The following FXR2 variants were observed in gnomAD, a reference collection of about 807,000 sequenced individuals.
FXR2 encodes the protein FMR1 autosomal homolog 2.
FXR2 carries 9 observed loss-of-function variants against 87.3 expected under a neutral mutation model. The ratio of observed to expected loss-of-function variants is 0.10; its 90% CI spans 0.06 to 0.18. The LOEUF (loss-of-function observed/expected upper bound fraction) is 0.18. Among genes scored for constraint, FXR2 ranks in the 10% least tolerant of loss-of-function variants. The pLI is 1.00. For synonymous variants in FXR2, 331 were observed against 328.3 expected (o/e 1.01, Z -0.09); for missense variants, 661 against 893.6 (o/e 0.74, Z 3.32).
intron 7 of FXR2, among the ~76,000 whole-genome samples, chr17:7,600,831 C>T (rs1362067195): frequency 1.3e-5 from 2 of 151,844 alleles, no homozygotes; most frequent in African/African-American, 4.8e-5. Flanking sequence ...TTGCAGTCAG[C>T]TGAGACTATA....
At chr17:7,600,155 T>G (rs2071742254) in intron 7 of FXR2, among the ~76,000 whole-genome samples, 1 of 151,990 alleles carries the variant, frequency 6.6e-6, no homozygotes, top group Non-Finnish European at 1.5e-5. Context: ...CGCCTCAGCC[T>G]CCCAAAGTGC....
At chr17:7,606,220 A>G (rs2071801808) in intron 1 of FXR2, 71 bp from the exon 2 acceptor site, 3 of 966,070 alleles carry the variant, frequency 3.1e-6, no homozygotes, top group Non-Finnish European at 3.2e-6. Context: ...CATCAAGGGA[A>G]TAAGACACCA....
At position 7,594,284 on chromosome 17, in the gene FXR2, C is replaced by T; in HGVS notation, c.974G>A (p.Arg325Lys). 1.2e-6 allele frequency: 2 copies of T among 1,613,356 alleles called. No homozygotes were observed. Among genetic ancestry groups the T allele is most frequent in the Non-Finnish European group, 1.7e-6 (2 of 1,179,316 alleles). ...QEIVDKSGVVRVRVEGDNDKK... is the reference protein window; with the variant it reads ...QEIVDKSGVVKVRVEGDNDKK... ...GTCATTATCACCTTCCACTCGAACC[C>T]TCACCACACCAGATTTATCCACAAT... is the stretch of plus-strand genomic sequence containing the variant. Residue 325 changes from arginine to lysine, a missense_variant, in exon 10 of 17, where the codon AGG becomes AAG. By Grantham distance (26) the Arg-to-Lys change is conservative. Transcript: ENST00000250113. The surrounding 1 kb of genome is among the most constrained non-coding windows in gnomAD (Gnocchi z 5.1).
At chr17:7,600,189 G>A (rs2071742676) in intron 7 of FXR2, among the ~76,000 whole-genome samples, 2 of 151,260 alleles carry the variant, frequency 1.3e-5, no homozygotes, top group Non-Finnish European at 2.9e-5. Flanking sequence ...GTGGGCCACC[G>A]CGCCCAGTCA....
At chr17:7,600,145 C>T (rs1333249090) in intron 7 of FXR2, among the ~76,000 whole-genome samples, 5 of 151,896 alleles carry the variant, frequency 3.3e-5, no homozygotes, top group South Asian at 4.2e-4. Flanking sequence ...GTGATCTGCC[C>T]GCCTCAGCCT....
chr17:7,600,870 T>G (rs1349353899), intron 7 of FXR2, among the ~76,000 whole-genome samples: 1 of 150,708 alleles, frequency 6.6e-6, no homozygotes, highest in Admixed American at 6.6e-5. Flanking sequence ...GGTGACAAAG[T>G]GAGACTCCGT....
In FXR2 at chr17:7,595,147, T is replaced by TAA. The variant is rs915945688; in HGVS notation, c.832-392_832-391dup. 1.4e-5 allele frequency among the ~76,000 whole-genome samples: 2 copies of TAA among 144,724 alleles called. No individual in the cohort carries two copies. Among genetic ancestry groups the TAA allele is most frequent in the African/African-American group, 2.5e-5 (1 of 39,380 alleles). 94.9% of individuals were successfully genotyped at this position (144,724 alleles called of 152,430 possible). ...AAAAAAATTAAACAAATAAATAACT[T>TAA]AAAAAAAAAAACAGAGGACCTTGGC... On this transcript the variant is annotated intron_variant, in intron 8 of 16. Transcript: ENST00000250113. This position sits in a 1 kb window ranked among gnomAD's most constrained non-coding sequence, Gnocchi z 4.7.
At chr17:7,601,242 G>C (rs1020024622) in intron 7 of FXR2, among the ~76,000 whole-genome samples, 167 bp downstream of exon 7, 2 of 151,106 alleles carry the variant, frequency 1.3e-5, no homozygotes, top group Non-Finnish European at 2.9e-5. Context: ...TACCATGATA[G>C]AGCTCTGCCA....
rs528784931 is a variant in FXR2 at position 7,603,018 on chromosome 17, G to A, written c.450-16C>T. The A allele has an allele frequency of 7.4e-6, 10 of 1,342,996 alleles. No homozygotes were observed. In the South Asian group the frequency reaches 8.5e-5, roughly 11 times the overall value. The allele number at this position is 1,342,996 out of a possible 1,614,324, so 83.2% of individuals were successfully genotyped here. On this transcript the variant is annotated splice_polypyrimidine_tract_variant and intron_variant, in intron 5 of 16. Transcript: ENST00000250113. Reference sequence around the variant, plus strand: ...ATTGGAGCAGCTGCAGAGGAAAAAAGTACTCAGCGGGCAGAATGCAGAGAG... The same window carrying A: ...ATTGGAGCAGCTGCAGAGGAAAAAAATACTCAGCGGGCAGAATGCAGAGAG...
intron 3 of FXR2, among the ~76,000 whole-genome samples, chr17:7,605,393 A>C (rs8076008): frequency 0.013 from 1,952 of 152,138 alleles, 41 homozygotes; most frequent in African/African-American, 0.042. Flanking sequence ...ACAACAACAA[A>C]AAAATCAGAG....
chr17:7,612,735 G>A (rs1268888394), intron 1 of FXR2, among the ~76,000 whole-genome samples: 1 of 152,018 alleles, frequency 6.6e-6, no homozygotes, highest in Non-Finnish European at 1.5e-5. Flanking sequence ...GGTGGCTCAC[G>A]CCTGTAATCC....
intron 3 of FXR2, among the ~76,000 whole-genome samples, chr17:7,604,522 C>A (rs1174915915): frequency 6.6e-6 from 1 of 151,320 alleles, no homozygotes; most frequent in Non-Finnish European, 1.5e-5. Flanking sequence ...TAAAACCCCA[C>A]CTCTACTAAA....
chr17:7,606,243 C>A, intron 1 of FXR2, 94 bp from the exon 2 acceptor site: 1 of 815,458 alleles, frequency 1.2e-6, no homozygotes, highest in Non-Finnish European at 2.0e-6. Context: ...AAACCTTAAA[C>A]TTGAGTTTTA....
rs556193161 is a variant in FXR2 at position 7,592,446 on chromosome 17, G to A, written c.1825+58C>T. 38 of 1,563,640 alleles carry A rather than the reference G, an allele frequency of 2.4e-5. No homozygotes were observed. The South Asian group carries it at 4.0e-4, about 16-fold the overall frequency. On this transcript the variant is annotated intron_variant, in intron 15 of 16. Coordinates refer to ENST00000250113, the MANE Select transcript of FXR2 (RefSeq NM_004860.4). The surrounding 1 kb of genome is among the most constrained non-coding windows in gnomAD (Gnocchi z 4.8). Reference sequence around the variant, plus strand: ...ACCCGAACCCCTGATTTTCACAGGGGTGAGCATCCCATTCTCTCAGCTCTG... The same window carrying A: ...ACCCGAACCCCTGATTTTCACAGGGATGAGCATCCCATTCTCTCAGCTCTG...
intron 1 of FXR2, among the ~76,000 whole-genome samples, chr17:7,610,269 T>C (rs2071852773): frequency 6.6e-6 from 1 of 151,984 alleles, no homozygotes; most frequent in African/African-American, 2.4e-5. Context: ...AAGTAGTTTA[T>C]CAAGGCAGGA....
At chr17:7,611,969 C>G (rs1051775701) in intron 1 of FXR2, among the ~76,000 whole-genome samples, 6 of 152,184 alleles carry the variant, frequency 3.9e-5, no homozygotes, top group African/African-American at 1.4e-4. Flanking sequence ...TGGCTTTCAG[C>G]TCAACCCCAA....
rs777733143 is a variant in FXR2 at position 7,602,877 on chromosome 17, G to A, written c.543+32C>T. The A allele has an allele frequency of 1.3e-5, 13 of 1,001,406 alleles. No homozygotes were observed. In the Admixed American group the frequency reaches 2.5e-4, roughly 19 times the overall value. 62.0% of individuals were successfully genotyped at this position (1,001,406 alleles called of 1,614,324 possible). ...GGGAAAAAGAAAAAATGTTCAAAAG[G>A]CTTATGTGAAATTCAGGCAGAATAA... is the stretch of plus-strand genomic sequence containing the variant. On this transcript the variant is annotated intron_variant, in intron 6 of 16. Transcript: ENST00000250113.
chr17:7,595,712 T>C lies in FXR2; in HGVS notation c.831+112A>G. 1 of 771,540 alleles carries C rather than the reference T, an allele frequency of 1.3e-6. No individual in the cohort carries two copies. Among genetic ancestry groups the C allele is most frequent in the South Asian group, 1.8e-5 (1 of 55,880 alleles). 47.8% of individuals were successfully genotyped at this position (771,540 alleles called of 1,614,324 possible). On this transcript the variant is annotated intron_variant, in intron 8 of 16. Transcript: ENST00000250113. This position sits in a 1 kb window ranked among gnomAD's most constrained non-coding sequence, Gnocchi z 4.7. ...ATCCTCTCACTTTGACCTCCGAAGG[T>C]GCTGGGATTACAGGTGTGAGCCACT...
intron 3 of FXR2, 66 bp downstream of exon 3, chr17:7,605,579 A>G: frequency 3.6e-6 from 3 of 843,518 alleles, no homozygotes; most frequent in Non-Finnish European, 6.0e-6. Flanking sequence ...ACATGAACCA[A>G]CCAGAGAAAA....
Sources: gnomAD v4.1 joint callset for allele counts (sites outside exome capture counted in the v4.1 genomes callset) on GRCh38, gnomAD v4.1.1 for gene constraint, Gnocchi (gnomAD v3.1) non-coding constraint, MANE v1.5 for transcripts, NCBI Gene and HGNC (gene_info 2026-07-23, HGNC 2026-07-21) for gene names.